Variants in ITPR2 observed in about 807,000 individuals in gnomAD.
The protein encoded by ITPR2 is inositol 1,4,5-trisphosphate receptor type 2, also known as inositol 1,4,5-trisphosphate-gated calcium channel ITPR2.
In ITPR2, 207 loss-of-function variants were observed where a neutral mutation model predicts 317.1. The observed-to-expected ratio is 0.65, with a 90% CI of 0.58 to 0.73. ITPR2 has a LOEUF of 0.73. ITPR2 is among the 30% of genes least tolerant of loss of function. The pLI is 0.00. For missense variants in ITPR2, 2,613 were observed against 3,284.0 expected (o/e 0.80, Z 4.99); for synonymous variants, 1,156 against 1,149.1 (o/e 1.01, Z -0.12).
At chr12:26,410,262 G>A (rs1025433962) in intron 52 of ITPR2, among the ~76,000 whole-genome samples, 2 of 152,198 alleles carry the variant, frequency 1.3e-5, no homozygotes, top group Non-Finnish European at 2.9e-5. Context: ...TTGACTGGGA[G>A]AGCAGGCGGC....
At chr12:26,728,045 G>C (rs1948962691) in intron 2 of ITPR2, among the ~76,000 whole-genome samples, 1 of 152,084 alleles carries the variant, frequency 6.6e-6, no homozygotes, top group African/African-American at 2.4e-5. Context: ...GGTAGGCTGA[G>C]GTCAAGATCT....
At chr12:26,359,942 T>A (rs373745785) in intron 55 of ITPR2, among the ~76,000 whole-genome samples, 1 of 152,202 alleles carries the variant, frequency 6.6e-6, no homozygotes, top group African/African-American at 2.4e-5. Flanking sequence ...AATACCACTT[T>A]CGCCTCTACG....
At chr12:26,813,795 G>A (rs567761357) in intron 1 of ITPR2, among the ~76,000 whole-genome samples, 4 of 152,144 alleles carry the variant, frequency 2.6e-5, no homozygotes, top group Non-Finnish European at 5.9e-5. Context: ...CCAGAACAAT[G>A]AACTGGAAAT....
At chr12:26,561,100 G>A (rs1213508218) in intron 35 of ITPR2, among the ~76,000 whole-genome samples, 1 of 152,082 alleles carries the variant, frequency 6.6e-6, no homozygotes, top group Non-Finnish European at 1.5e-5. Flanking sequence ...CAACATAACT[G>A]GTATCCTTAT....
intron 2 of ITPR2, among the ~76,000 whole-genome samples, chr12:26,737,163 G>A (rs570459967): frequency 1.2e-3 from 190 of 152,160 alleles, no homozygotes; most frequent in African/African-American, 4.5e-3. Flanking sequence ...TCATGTTGAG[G>A]CAGAGGCAGA....
intron 14 of ITPR2, among the ~76,000 whole-genome samples, chr12:26,665,165 GA>G (rs1453224596): frequency 1.3e-5 from 2 of 152,208 alleles, no homozygotes; most frequent in Non-Finnish European, 2.9e-5. Flanking sequence ...TACTTTCAGG[GA>G]AGAAAACTAG....
chr12:26,695,285 G>A (rs948767778), intron 10 of ITPR2, among the ~76,000 whole-genome samples: 100 of 152,180 alleles, frequency 6.6e-4, no homozygotes, highest in African/African-American at 2.3e-3. Flanking sequence ...AAGCCATGTT[G>A]TCACCATGAA....
intron 21 of ITPR2, among the ~76,000 whole-genome samples, chr12:26,642,191 A>G (rs904166841): frequency 3.3e-5 from 5 of 152,188 alleles, no homozygotes; most frequent in Non-Finnish European, 7.3e-5. Flanking sequence ...TCATGTCTAG[A>G]ATTTTATTAC....
intron 8 of ITPR2, among the ~76,000 whole-genome samples, chr12:26,712,227 G>T (rs1050591805): frequency 6.6e-6 from 1 of 152,106 alleles, no homozygotes; most frequent in Non-Finnish European, 1.5e-5. Flanking sequence ...ATATCATAAG[G>T]CATATCACAA....
chr12:26,751,964 G>A, intron 2 of ITPR2, among the ~76,000 whole-genome samples: 1 of 151,744 alleles, frequency 6.6e-6, no homozygotes, highest in African/African-American at 2.4e-5. Flanking sequence ...CATAATCCCA[G>A]AATTATAGAG....
At chr12:26,639,517 C>T (rs929022605) in intron 21 of ITPR2, among the ~76,000 whole-genome samples, 1 of 151,386 alleles carries the variant, frequency 6.6e-6, no homozygotes, top group African/African-American at 2.4e-5. Flanking sequence ...ATGTGCACAA[C>T]GTGCTGGTTA....
chr12:26,634,703 G>C (rs1250893687), intron 21 of ITPR2, among the ~76,000 whole-genome samples: 1 of 151,884 alleles, frequency 6.6e-6, no homozygotes, highest in African/African-American at 2.4e-5. Flanking sequence ...TGATCAACAT[G>C]GTGAAACCCT....
chr12:26,682,507 C>A, intron 12 of ITPR2, 67 bp downstream of exon 12: 2 of 943,570 alleles, frequency 2.1e-6, no homozygotes, highest in Non-Finnish European at 1.7e-6. Flanking sequence ...TGTCACACAG[C>A]ATTCCTATCC....
chr12:26,821,558 GC>G (rs1238879062), intron 1 of ITPR2, among the ~76,000 whole-genome samples: 1 of 152,182 alleles, frequency 6.6e-6, no homozygotes, highest in Non-Finnish European at 1.5e-5. Context: ...ATTTCTTGGA[GC>G]TCCTCCAGTA....
intron 55 of ITPR2, among the ~76,000 whole-genome samples, chr12:26,371,851 G>A (rs1448294878): frequency 6.6e-6 from 1 of 151,992 alleles, no homozygotes; most frequent in Non-Finnish European, 1.5e-5. Flanking sequence ...TTTTCCTTCT[G>A]CCAGACTCTT....
chr12:26,443,739 T>C (rs958633209), intron 45 of ITPR2, 89 bp from the exon 46 acceptor site: 5 of 909,710 alleles, frequency 5.5e-6, no homozygotes, highest in African/African-American at 5.0e-5. Flanking sequence ...CTTGTACACA[T>C]AGCTTCAGAG....
chr12:26,815,789 A>C (rs908499095), intron 1 of ITPR2, among the ~76,000 whole-genome samples: 1 of 152,128 alleles, frequency 6.6e-6, no homozygotes, highest in African/African-American at 2.4e-5. Context: ...TAAACAAATA[A>C]CAGCTTAAAA....
At chr12:26,368,689 C>T (rs1296638564) in intron 55 of ITPR2, among the ~76,000 whole-genome samples, 2 of 152,162 alleles carry the variant, frequency 1.3e-5, no homozygotes, top group Non-Finnish European at 2.9e-5. Flanking sequence ...TATATCATTA[C>T]TTATTTCTTG....
intron 26 of ITPR2, among the ~76,000 whole-genome samples, chr12:26,613,037 T>A (rs1946305359): frequency 6.6e-6 from 1 of 152,176 alleles, no homozygotes. Flanking sequence ...ACCCTATTTT[T>A]TGGGTGTTCA....
Sources: allele counts gnomAD v4.1 joint callset (sites outside exome capture counted in the v4.1 genomes callset), GRCh38; gene constraint gnomAD v4.1.1; transcripts MANE v1.5; gene names NCBI Gene and HGNC (gene_info 2026-07-23, HGNC 2026-07-21).